The following DPP6 variants were observed in gnomAD, a reference collection of about 807,000 sequenced individuals.
The protein encoded by DPP6 is dipeptidyl peptidase like 6.
A neutral mutation model predicts 122.6 loss-of-function variants in DPP6; 69 were observed. That is an observed-to-expected ratio of 0.56 (90% CI 0.46 to 0.69). The LOEUF (loss-of-function observed/expected upper bound fraction) is 0.69. Among genes scored for constraint, DPP6 ranks in the 30% least tolerant of loss-of-function variants. The probability of loss-of-function intolerance (pLI) is 0.00; values close to 1 mark genes in which losing one functional copy is unlikely to be tolerated. For missense variants in DPP6, 928 were observed against 1,116.9 expected, an observed-to-expected ratio of 0.83 and a Z score of 2.41; for synonymous variants, 418 against 433.1, an observed-to-expected ratio of 0.97 and a Z score of 0.43.
intron 5 of DPP6, among the ~76,000 whole-genome samples, chr7:154,591,985 C>T (rs1832830601): frequency 6.6e-6 from 1 of 152,216 alleles, no homozygotes; most frequent in African/African-American, 2.4e-5. Flanking sequence ...GATGGTAGAA[C>T]AGGGGCGGCT....
intron 4 of DPP6, among the ~76,000 whole-genome samples, chr7:154,551,048 T>C (rs1286357187): frequency 2.0e-5 from 3 of 152,198 alleles, no homozygotes; most frequent in Non-Finnish European, 2.9e-5. Context: ...TTTGCCCCTA[T>C]GGGTAATCTA....
chr7:154,727,678 C>T, intron 7 of DPP6, 89 bp from the exon 8 acceptor site: 1 of 1,451,722 alleles, frequency 6.9e-7, no homozygotes, highest in Non-Finnish European at 9.1e-7. Flanking sequence ...AAAATGAAAA[C>T]CCGGTTGATG....
intron 1 of DPP6, chr7:153,968,969 G>A (rs1290141686): frequency 6.6e-6 from 1 of 151,928 alleles, no homozygotes; most frequent in Non-Finnish European, 1.5e-5. Flanking sequence ...ATCCCATTGG[G>A]TGTATTTACC....
intron 3 of DPP6, among the ~76,000 whole-genome samples, chr7:154,534,671 C>T (rs1828095496): frequency 6.6e-6 from 1 of 152,024 alleles, no homozygotes; most frequent in African/African-American, 2.4e-5. Flanking sequence ...AGAAATTCAA[C>T]ATCTGTACAT....
chr7:154,081,428 T>TTCA (rs1804002097), intron 1 of DPP6, among the ~76,000 whole-genome samples: 1 of 108,086 alleles, frequency 9.3e-6, no homozygotes, highest in African/African-American at 3.3e-5. Flanking sequence ...AGATGTGCTA[T>TTCA]TAATGATGCT....
chr7:153,996,075 G>A (rs1797420463), intron 1 of DPP6, among the ~76,000 whole-genome samples: 1 of 152,056 alleles, frequency 6.6e-6, no homozygotes, highest in African/African-American at 2.4e-5. Context: ...AGGCCCTCAG[G>A]TTTGTTGCCA....
chr7:154,392,881 A>G (rs1814742259), intron 1 of DPP6, among the ~76,000 whole-genome samples: 1 of 152,190 alleles, frequency 6.6e-6, no homozygotes, highest in South Asian at 2.1e-4. Flanking sequence ...CTTGGTGAGC[A>G]CGCGGGGCTG....
At chr7:154,370,659 C>T (rs922024268) in intron 1 of DPP6, among the ~76,000 whole-genome samples, 8 of 152,114 alleles carry the variant, frequency 5.3e-5, no homozygotes, top group Non-Finnish European at 7.4e-5. Flanking sequence ...GGTGGTGGCT[C>T]ACCAATAAAA....
At chr7:154,431,880 AC>A (rs1244578620) in intron 1 of DPP6, among the ~76,000 whole-genome samples, 2 of 151,964 alleles carry the variant, frequency 1.3e-5, no homozygotes, top group Non-Finnish European at 2.9e-5. Context: ...GGTATTCAGG[AC>A]CTTCCTTTTC....
intron 1 of DPP6, among the ~76,000 whole-genome samples, chr7:154,115,215 T>C (rs2150593206): frequency 6.6e-6 from 1 of 152,298 alleles, no homozygotes; most frequent in East Asian, 1.9e-4. Context: ...CCAGTATATA[T>C]GGGAGGTGCT....
At chr7:154,405,837 A>T (rs1196660483) in intron 1 of DPP6, among the ~76,000 whole-genome samples, 2 of 152,170 alleles carry the variant, frequency 1.3e-5, no homozygotes, top group East Asian at 3.9e-4. Context: ...CCTGCCAAAG[A>T]CATTTTGGGA....
intron 1 of DPP6, among the ~76,000 whole-genome samples, chr7:154,018,787 A>G (rs1381268463): frequency 2.0e-5 from 3 of 152,222 alleles, no homozygotes; most frequent in African/African-American, 7.2e-5. Flanking sequence ...CTTGCAGATG[A>G]GCTTCTCTCT....
At chr7:154,858,965 C>T (rs1020037355) in intron 17 of DPP6, among the ~76,000 whole-genome samples, 8 of 152,180 alleles carry the variant, frequency 5.3e-5, no homozygotes, top group South Asian at 2.1e-4. Context: ...AACTTCAGGG[C>T]GAGGCCCGGA....
the DPP6 span, among the ~76,000 whole-genome samples, chr7:153,821,957 C>T: frequency 3.0e-3 from 455 of 152,228 alleles, 2 homozygotes; most frequent in African/African-American, 0.01. Context: ...GGACCTACAG[C>T]GCAAGCCTCT....
chr7:154,138,554 C>G (rs1563238237), intron 1 of DPP6, among the ~76,000 whole-genome samples: 1 of 151,966 alleles, frequency 6.6e-6, no homozygotes. Flanking sequence ...GGATCAAGAT[C>G]GTCACTGGAA....
At chr7:154,031,017 C>T (rs149335669) in intron 1 of DPP6, among the ~76,000 whole-genome samples, 100 of 152,186 alleles carry the variant, frequency 6.6e-4, no homozygotes, top group Middle Eastern at 6.8e-3. Flanking sequence ...TAGCTCAGCC[C>T]ACCAAGAGCT....
chr7:154,669,698 G>T lies in DPP6; in HGVS notation c.762+257G>T, dbSNP rs143184362. On this transcript the variant is annotated intron_variant, in intron 7 of 25. Coordinates refer to ENST00000377770, the MANE Select transcript of DPP6 (RefSeq NM_130797.4). The stretch of plus-strand genomic sequence containing the variant: ...CTACATCTGACATGGTTAAAGTGGT[G>T]CCTAACTGTAGCTGTGTCTATGGAC... Among the ~76,000 whole-genome samples, 710 of 152,274 alleles carry T rather than the reference G, an allele frequency of 4.7e-3. 5 individuals carry two copies. Among genetic ancestry groups the T allele is most frequent in the Non-Finnish European group, 7.5e-3 (512 of 68,020 alleles).
intron 1 of DPP6, among the ~76,000 whole-genome samples, chr7:154,321,610 C>T (rs1251627603): frequency 2.6e-5 from 4 of 151,778 alleles, no homozygotes; most frequent in South Asian, 2.1e-4. Flanking sequence ...GGTGAAACCC[C>T]GTCTCTACTA....
At chr7:154,435,877 G>A (rs781267237) in intron 1 of DPP6, among the ~76,000 whole-genome samples, 5 of 152,194 alleles carry the variant, frequency 3.3e-5, no homozygotes, top group Non-Finnish European at 7.3e-5. Flanking sequence ...AGGAAGCAGT[G>A]TAATGGGAGA....
Sources: allele counts gnomAD v4.1 joint callset (sites outside exome capture counted in the v4.1 genomes callset), GRCh38; gene constraint gnomAD v4.1.1; transcripts MANE v1.5; gene names NCBI Gene and HGNC (gene_info 2026-07-23, HGNC 2026-07-21).